The following MINDY3 variants were observed in gnomAD, a reference collection of about 807,000 sequenced individuals.
MINDY3 encodes the protein MINDY lysine 48 deubiquitinase 3.
MINDY3 carries 38 observed loss-of-function variants against 69.2 expected under a neutral mutation model. The ratio of observed to expected loss-of-function variants is 0.55; its 90% CI spans 0.42 to 0.72. MINDY3 has a LOEUF of 0.72. Ranked by LOEUF, MINDY3 falls within the 30% of genes least tolerant of loss-of-function variation. MINDY3 has a pLI of 0.00. For synonymous variants in MINDY3, 192 were observed against 180.1 expected, an observed-to-expected ratio of 1.07 and a Z score of -0.53; for missense variants, 522 against 519.0, an observed-to-expected ratio of 1.01 and a Z score of -0.06.
intron 8 of MINDY3, among the ~76,000 whole-genome samples, chr10:15,832,919 G>A (rs1443375361): frequency 1.3e-5 from 2 of 152,122 alleles, no homozygotes; most frequent in African/African-American, 4.8e-5. Flanking sequence ...TGAGCTCTGG[G>A]AACCCTGGAG....
At chr10:15,821,522 G>A (rs1839759271) in intron 9 of MINDY3, 134 bp downstream of exon 9, 1 of 590,142 alleles carries the variant, frequency 1.7e-6, no homozygotes, top group Non-Finnish European at 2.9e-6. Context: ...TTAGGGTGGG[G>A]GATAGGAAGG....
Position 15,837,218 on chromosome 10 carries a change from C to T in MINDY3, c.562G>A (p.Val188Ile). The change falls in exon 6 of 15, where the codon GTA becomes ATA. Residue 188 changes from valine (V) to isoleucine (I), a missense_variant. Transcript: ENST00000277632. ...CTTGAACACACCTTTGTCAGTAATA[C>T]AGAATACAGAAAAAGCAATACTCCA... ...KFGVLLFLYS[V>I]LLTKGIENIK... 6.3e-7 allele frequency: 1 copy of T among 1,590,150 alleles called. No homozygotes were observed. The highest frequency in any genetic ancestry group is 8.6e-7 in the Non-Finnish European group (1 of 1,162,014).
intron 10 of MINDY3, among the ~76,000 whole-genome samples, chr10:15,800,166 AAAGTT>A (rs1838158457): frequency 6.6e-6 from 1 of 152,158 alleles, no homozygotes; most frequent in African/African-American, 2.4e-5. Context: ...GATATTTTCA[AAAGTT>A]AAGAAAAAAT....
intron 1 of MINDY3, among the ~76,000 whole-genome samples, chr10:15,852,550 G>A (rs1280508949): frequency 6.6e-6 from 1 of 152,106 alleles, no homozygotes; most frequent in Non-Finnish European, 1.5e-5. Context: ...AGAAGGATAA[G>A]AGAAAAGCAC....
In MINDY3 at chr10:15,804,986, C is replaced by T. The variant is rs570481516; in HGVS notation, c.883-8814G>A. 7.2e-5 allele frequency among the ~76,000 whole-genome samples: 11 copies of T among 152,246 alleles called. No individual in the cohort carries two copies. In the Middle Eastern group the frequency reaches 0.017, roughly 235 times the overall value. On this transcript the variant is annotated intron_variant, in intron 10 of 14. Coordinates refer to ENST00000277632, the MANE Select transcript of MINDY3 (RefSeq NM_024948.4). ...AGAGAAATCAGGGTAGGAAACACAG[C>T]AGACAGCCCTCTGACGTTCTTCCTC... is the stretch of plus-strand genomic sequence containing the variant.
intron 1 of MINDY3, chr10:15,858,068 G>A (rs1162003700): frequency 3.8e-6 from 1 of 266,368 alleles, no homozygotes; most frequent in African/African-American, 2.3e-5. Flanking sequence ...GCAATATTTA[G>A]CAATGGCCTC....
intron 8 of MINDY3, among the ~76,000 whole-genome samples, chr10:15,831,394 T>G (rs903697767): frequency 2.6e-5 from 4 of 152,212 alleles, no homozygotes; most frequent in Non-Finnish European, 5.9e-5. Flanking sequence ...TTTTTAAGTT[T>G]GATGACTGAA....
rs148233761 is a variant in MINDY3 at position 15,830,677 on chromosome 10, A to G, written c.730+2953T>C. On this transcript the variant is annotated intron_variant, in intron 8 of 14. Transcript: ENST00000277632. ...ATCCAAAGATTTCTGTCCGTGGTAC[A>G]GAGTTAGTAAATGAGCCATGCAGTG... Among the ~76,000 whole-genome samples, 3 of 152,374 alleles carry G rather than the reference A, an allele frequency of 2.0e-5. No individual in the cohort carries two copies. The East Asian group carries it at 5.8e-4, about 29-fold the overall frequency.
Position 15,786,655 on chromosome 10 carries a change from G to T in MINDY3, c.1029-7C>A. On this transcript the variant is annotated splice_region_variant and splice_polypyrimidine_tract_variant and intron_variant, in intron 12 of 14. Coordinates refer to ENST00000277632, the MANE Select transcript of MINDY3 (RefSeq NM_024948.4). ...ATTCTTCATGAGATTTATACTACGGGGAGAAAGAAGAAAAACAGTGGATAC... is the reference window on the plus strand; with the variant it reads ...ATTCTTCATGAGATTTATACTACGGTGAGAAAGAAGAAAAACAGTGGATAC... 1 of 1,509,458 alleles carries T rather than the reference G, an allele frequency of 6.6e-7. No homozygotes were observed. Among genetic ancestry groups the T allele is most frequent in the African/African-American group, 1.4e-5 (1 of 71,806 alleles). 93.5% of individuals were successfully genotyped at this position (1,509,458 alleles called of 1,614,324 possible).
chr10:15,799,179 T>C (rs192413038), intron 10 of MINDY3, among the ~76,000 whole-genome samples: 40 of 152,006 alleles, frequency 2.6e-4, no homozygotes, highest in African/African-American at 9.4e-4. Context: ...ATATTACATA[T>C]TTTTTCCCCC....
Position 15,809,369 on chromosome 10 carries a change from T to C in MINDY3, c.882+7466A>G, listed in dbSNP as rs571736864. 9.8e-5 allele frequency among the ~76,000 whole-genome samples: 15 copies of C among 152,322 alleles called. No homozygotes were observed. In the East Asian group the frequency reaches 2.9e-3, roughly 29 times the overall value. ...GGAAAAACAATTCAAAAAGTTTAAG[T>C]TCTGTATTCCTTAAGCGTCTACTTT... On this transcript the variant is annotated intron_variant, in intron 10 of 14. Coordinates refer to ENST00000277632, the MANE Select transcript of MINDY3 (RefSeq NM_024948.4).
intron 13 of MINDY3, chr10:15,782,432 A>G (rs1159671940): frequency 2.0e-6 from 1 of 501,534 alleles, no homozygotes; most frequent in Non-Finnish European, 3.5e-6. Flanking sequence ...GATGCTGGAA[A>G]GTAGGGAAGG....
chr10:15,816,550 A>G (rs2131979061), intron 10 of MINDY3, among the ~76,000 whole-genome samples: 1 of 151,656 alleles, frequency 6.6e-6, no homozygotes, highest in East Asian at 1.9e-4. Context: ...TTAAAATTCA[A>G]TTGTTTTCTC....
In MINDY3 at chr10:15,778,404, C is replaced by A. The variant is rs1836267817; in HGVS notation, c.*588G>T. ...TTTTCTGTCAGTTTTTAGAATACAT[C>A]CCCTATACATCTGTGAATAAATGGT... On this transcript the variant is annotated 3_prime_UTR_variant, in exon 15 of 15. Transcript: ENST00000277632. 1 of 152,164 alleles carries A rather than the reference C, an allele frequency of 6.6e-6. No individual in the cohort carries two copies. The highest frequency in any genetic ancestry group is 2.4e-5 in the African/African-American group (1 of 41,442). 9.4% of individuals were successfully genotyped at this position (152,164 alleles called of 1,614,324 possible).
intron 8 of MINDY3, among the ~76,000 whole-genome samples, chr10:15,824,622 A>T (rs1468194666): frequency 6.6e-6 from 1 of 152,176 alleles, no homozygotes; most frequent in East Asian, 1.9e-4. Flanking sequence ...TCCTTCTTAA[A>T]TGTAAGCAAC....
chr10:15,814,478 C>T (rs985100849), intron 10 of MINDY3, among the ~76,000 whole-genome samples: 4 of 150,720 alleles, frequency 2.7e-5, no homozygotes, highest in African/African-American at 9.8e-5. Flanking sequence ...CCCTAGTGTG[C>T]CAGACTATAT....
At chr10:15,826,972 G>A (rs1840123462) in intron 8 of MINDY3, among the ~76,000 whole-genome samples, 1 of 151,646 alleles carries the variant, frequency 6.6e-6, no homozygotes, top group South Asian at 2.1e-4. Flanking sequence ...TCTTGGGGTG[G>A]AGCCGGGCAT....
At chr10:15,801,374 T>C (rs756259071) in intron 10 of MINDY3, among the ~76,000 whole-genome samples, 2 of 152,140 alleles carry the variant, frequency 1.3e-5, no homozygotes, top group Non-Finnish European at 2.9e-5. Flanking sequence ...CTTTTGGCTG[T>C]ATAAGAAAGA....
At chr10:15,809,242 G>T (rs116034842) in intron 10 of MINDY3, among the ~76,000 whole-genome samples, 2,306 of 152,160 alleles carry the variant, frequency 0.015, 48 homozygotes, top group African/African-American at 0.05. Context: ...AATAATTATG[G>T]ATTATTATGA....
Sources: gnomAD v4.1 joint callset for allele counts (sites outside exome capture counted in the v4.1 genomes callset) on GRCh38, gnomAD v4.1.1 for gene constraint, MANE v1.5 for transcripts, NCBI Gene and HGNC (gene_info 2026-07-23, HGNC 2026-07-21) for gene names.